FSTL5: variants seen among roughly 807,000 people sequenced by gnomAD.
FSTL5 encodes the protein follistatin-related protein 5.
In FSTL5, 62 loss-of-function variants were observed where a neutral mutation model predicts 89.1. The observed-to-expected ratio is 0.70, with a 90% CI of 0.57 to 0.86. The LOEUF (loss-of-function observed/expected upper bound fraction) is 0.86, where lower values mean the gene tolerates loss of function less well. Ranked by LOEUF, FSTL5 falls within the 40% of genes least tolerant of loss-of-function variation. FSTL5 has a pLI of 0.00. For missense variants in FSTL5, 1,057 were observed against 1,001.6 expected (o/e 1.06, Z -0.75); for synonymous variants, 383 against 346.2 (o/e 1.11, Z -1.18).
At chr4:161,961,386 G>T (rs1735170403) in intron 3 of FSTL5, among the ~76,000 whole-genome samples, 1 of 151,990 alleles carries the variant, frequency 6.6e-6, no homozygotes. Flanking sequence ...TGCTGGGATT[G>T]CAGGCAAGGA....
chr4:161,592,673 T>C (rs577093829), intron 7 of FSTL5, among the ~76,000 whole-genome samples: 42 of 152,322 alleles, frequency 2.8e-4, no homozygotes, highest in African/African-American at 1.0e-3. Flanking sequence ...CAGTCTATCA[T>C]TGATGGGCAT....
intron 4 of FSTL5, among the ~76,000 whole-genome samples, chr4:161,825,336 A>G (rs541610062): frequency 2.0e-5 from 3 of 152,192 alleles, no homozygotes; most frequent in South Asian, 4.2e-4. Context: ...CATCAGACAT[A>G]TTGGTCTGTA....
chr4:161,533,800 T>C (rs1578905407), intron 10 of FSTL5, among the ~76,000 whole-genome samples: 1 of 152,024 alleles, frequency 6.6e-6, no homozygotes, highest in Admixed American at 6.6e-5. Context: ...TTCAGGATAA[T>C]ATCCCTGATG....
chr4:161,481,011 T>C lies in FSTL5; in HGVS notation c.1608+9A>G. 6.3e-7 allele frequency: 1 copy of C among 1,584,418 alleles called. No individual in the cohort carries two copies. Among genetic ancestry groups the C allele is most frequent in the South Asian group, 1.2e-5 (1 of 86,408 alleles). Reference sequence around the variant, plus strand: ...GATTTACTTTTTAAAAAGTAGTAATTATTCATACCTGAACAACTTTTTGGG... The same window carrying C: ...GATTTACTTTTTAAAAAGTAGTAATCATTCATACCTGAACAACTTTTTGGG... On this transcript the variant is annotated intron_variant, in intron 13 of 15. Coordinates refer to ENST00000306100, the MANE Select transcript of FSTL5 (RefSeq NM_020116.5).
chr4:161,930,786 T>G, intron 3 of FSTL5, among the ~76,000 whole-genome samples: 1 of 152,018 alleles, frequency 6.6e-6, no homozygotes, highest in South Asian at 2.1e-4. Context: ...CTCCAAAAAC[T>G]TTGTTTATCC....
intron 10 of FSTL5, among the ~76,000 whole-genome samples, chr4:161,519,418 CG>C (rs1423456696): frequency 6.6e-6 from 1 of 152,000 alleles, no homozygotes; most frequent in East Asian, 1.9e-4. Flanking sequence ...CCCCGCTACT[CG>C]GGGGGCTGAG....
intron 4 of FSTL5, among the ~76,000 whole-genome samples, chr4:161,810,846 G>A (rs779320989): frequency 1.3e-5 from 2 of 152,148 alleles, no homozygotes; most frequent in Non-Finnish European, 2.9e-5. Flanking sequence ...AGGTGACATA[G>A]ATATTACACC....
chr4:161,879,380 G>A (rs1732553676), intron 4 of FSTL5, among the ~76,000 whole-genome samples: 1 of 152,116 alleles, frequency 6.6e-6, no homozygotes, highest in South Asian at 2.1e-4. Context: ...TGACACAGGA[G>A]CCAAACAATT....
intron 7 of FSTL5, among the ~76,000 whole-genome samples, chr4:161,615,807 G>T (rs141720274): frequency 3.9e-4 from 60 of 151,926 alleles, no homozygotes; most frequent in African/African-American, 1.4e-3. Context: ...TATTCACAGG[G>T]TTGTTATATT....
intron 3 of FSTL5, among the ~76,000 whole-genome samples, chr4:161,966,468 G>A (rs955093758): frequency 6.6e-6 from 1 of 152,084 alleles, no homozygotes; most frequent in Admixed American, 6.6e-5. Flanking sequence ...CAAAACCCCA[G>A]GATTGAGAAG....
At chr4:161,617,967 C>T (rs1448577205) in intron 7 of FSTL5, among the ~76,000 whole-genome samples, 1 of 152,096 alleles carries the variant, frequency 6.6e-6, no homozygotes, top group Admixed American at 6.6e-5. Flanking sequence ...ATGGAATGTT[C>T]TTCCATTTGT....
chr4:161,717,134 C>A (rs72973251), intron 6 of FSTL5, among the ~76,000 whole-genome samples: 2 of 152,148 alleles, frequency 1.3e-5, no homozygotes, highest in African/African-American at 4.8e-5. Context: ...CACAAATGTA[C>A]TGACATGACA....
chr4:161,665,844 T>G (rs933105223), intron 6 of FSTL5, among the ~76,000 whole-genome samples: 1 of 151,026 alleles, frequency 6.6e-6, no homozygotes, highest in Admixed American at 6.6e-5. Context: ...CACTCACAGA[T>G]GCAAGGAGTG....
intron 4 of FSTL5, among the ~76,000 whole-genome samples, chr4:161,902,343 T>C (rs1213691203): frequency 6.6e-6 from 1 of 152,210 alleles, no homozygotes; most frequent in East Asian, 1.9e-4. Context: ...TATCTTTCTT[T>C]TTCTGCTATA....
rs1435950318 is a variant in FSTL5 at position 162,042,812 on chromosome 4, T to C, written c.127-9154A>G. 2.0e-5 allele frequency among the ~76,000 whole-genome samples: 3 copies of C among 151,484 alleles called. No individual in the cohort carries two copies. The East Asian group carries it at 5.8e-4, about 29-fold the overall frequency. ...TCCTTTGTAAGGACATGGATGAAAC[T>C]GGAAATCATCATTCTCAGTAAACTA... On this transcript the variant is annotated intron_variant, in intron 2 of 15. Transcript: ENST00000306100.
intron 13 of FSTL5, among the ~76,000 whole-genome samples, chr4:161,462,024 A>ATTTC (rs1359403739): frequency 6.6e-6 from 1 of 152,170 alleles, no homozygotes; most frequent in East Asian, 1.9e-4. Context: ...TTGAATGAAA[A>ATTTC]TTTCCAGTTT....
At chr4:161,537,965 T>C (rs1259228771) in intron 10 of FSTL5, among the ~76,000 whole-genome samples, 1 of 152,156 alleles carries the variant, frequency 6.6e-6, no homozygotes, top group Non-Finnish European at 1.5e-5. Context: ...TCTAGTGTTG[T>C]AATGAAAATT....
intron 6 of FSTL5, among the ~76,000 whole-genome samples, chr4:161,700,675 C>T (rs1217381104): frequency 6.6e-6 from 1 of 151,836 alleles, no homozygotes; most frequent in Non-Finnish European, 1.5e-5. Flanking sequence ...CTGTGCCTGG[C>T]CAAGAGTAAA....
At chr4:161,578,404 T>A (rs760218815) in intron 8 of FSTL5, among the ~76,000 whole-genome samples, 2 of 151,746 alleles carry the variant, frequency 1.3e-5, no homozygotes, top group Admixed American at 6.6e-5. Context: ...GCATAAAAAC[T>A]ATTGAAAGTG....
Sources: gnomAD v4.1 joint callset for allele counts (sites outside exome capture counted in the v4.1 genomes callset) on GRCh38, gnomAD v4.1.1 for gene constraint, MANE v1.5 for transcripts, NCBI Gene and HGNC (gene_info 2026-07-23, HGNC 2026-07-21) for gene names.